DGKB: variants seen among roughly 807,000 people sequenced by gnomAD.
DGKB encodes the protein diacylglycerol kinase beta.
A neutral mutation model predicts 114.3 loss-of-function variants in DGKB; 67 were observed. The ratio of observed to expected loss-of-function variants is 0.59; its 90% CI spans 0.48 to 0.72. DGKB has a LOEUF of 0.72. Ranked by LOEUF, DGKB falls within the 30% of genes least tolerant of loss-of-function variation. The pLI, the probability that DGKB is intolerant of heterozygous loss-of-function variation, is 0.00. For synonymous variants in DGKB, 398 were observed against 323.1 expected, an observed-to-expected ratio of 1.23 and a Z score of -2.49; for missense variants, 907 against 975.2, an observed-to-expected ratio of 0.93 and a Z score of 0.93.
intron 21 of DGKB, among the ~76,000 whole-genome samples, chr7:14,443,396 C>A (rs1298634819): frequency 6.6e-6 from 1 of 152,034 alleles, no homozygotes; most frequent in Non-Finnish European, 1.5e-5. Flanking sequence ...ACCTTTTATT[C>A]TGGGCAAAAA....
intron 2 of DGKB, among the ~76,000 whole-genome samples, chr7:14,819,349 G>A (rs1304426779): frequency 6.6e-6 from 1 of 152,128 alleles, no homozygotes; most frequent in African/African-American, 2.4e-5. Context: ...CACTTTGGGA[G>A]GCAGAGGCGG....
chr7:14,337,441 G>C (rs1337581353), intron 23 of DGKB, among the ~76,000 whole-genome samples: 1 of 152,096 alleles, frequency 6.6e-6, no homozygotes, highest in East Asian at 1.9e-4. Context: ...TTGGCAGGTT[G>C]TGATAAGCAT....
chr7:14,215,630 T>C (rs1788825459), intron 23 of DGKB, among the ~76,000 whole-genome samples: 1 of 152,198 alleles, frequency 6.6e-6, no homozygotes, highest in African/African-American at 2.4e-5. Context: ...ACCTTCATTT[T>C]GCCGATGAGG....
chr7:14,652,470 C>A (rs6968119), intron 13 of DGKB, among the ~76,000 whole-genome samples: 23,444 of 151,752 alleles, frequency 0.15, 2,773 homozygotes, highest in East Asian at 0.49. Flanking sequence ...AAACTGGATC[C>A]CTTCCTTACA....
intron 23 of DGKB, among the ~76,000 whole-genome samples, chr7:14,275,370 C>A (rs962832060): frequency 3.9e-5 from 6 of 152,136 alleles, no homozygotes; most frequent in African/African-American, 1.2e-4. Context: ...TATGAGCATT[C>A]TTTTCACCAA....
intron 20 of DGKB, among the ~76,000 whole-genome samples, chr7:14,544,535 A>G (rs1046824396): frequency 6.6e-6 from 1 of 152,324 alleles, no homozygotes; most frequent in African/African-American, 2.4e-5. Flanking sequence ...TCATTTTTGT[A>G]TATAAAAATG....
intron 20 of DGKB, among the ~76,000 whole-genome samples, chr7:14,511,027 G>A (rs1415807411): frequency 6.6e-6 from 1 of 152,162 alleles, no homozygotes; most frequent in Non-Finnish European, 1.5e-5. Context: ...ATATTGCACA[G>A]TTAGAGTAGA....
At position 14,893,297 on chromosome 7, in the gene DGKB, A is replaced by G. The variant is rs565556390; in HGVS notation, c.-188+9295T>C. On this transcript the variant is annotated intron_variant, in intron 1 of 25. Coordinates refer to ENST00000402815, the MANE Select transcript of DGKB (RefSeq NM_001350709.2). ...TGAGTATGTTTTAGTTCTCATCTCAATTAACCTCTCAGCAACATCCAACAG... is the reference window on the plus strand; with the variant it reads ...TGAGTATGTTTTAGTTCTCATCTCAGTTAACCTCTCAGCAACATCCAACAG... Among the ~76,000 whole-genome samples the G allele has an allele frequency of 7.3e-5, 11 of 151,414 alleles. No homozygotes were observed. The East Asian group carries it at 1.2e-3, about 16-fold the overall frequency.
At chr7:14,653,883 C>T (rs1469093798) in intron 13 of DGKB, among the ~76,000 whole-genome samples, 1 of 151,818 alleles carries the variant, frequency 6.6e-6, no homozygotes, top group East Asian at 1.9e-4. Flanking sequence ...TTAGATATAC[C>T]CCTACACAAT....
intron 21 of DGKB, among the ~76,000 whole-genome samples, chr7:14,412,428 G>C (rs149999554): frequency 1.3e-3 from 202 of 152,298 alleles, no homozygotes; most frequent in African/African-American, 4.8e-3. Flanking sequence ...TCAAGACCCA[G>C]TTGAACTGAA....
chr7:14,175,777 T>C (rs1212297957), intron 25 of DGKB, among the ~76,000 whole-genome samples: 1 of 152,096 alleles, frequency 6.6e-6, no homozygotes, highest in African/African-American at 2.4e-5. Context: ...CCCCTAATTC[T>C]AGAAGCTTTG....
chr7:14,296,002 C>T (rs574006096), intron 23 of DGKB, among the ~76,000 whole-genome samples: 3 of 150,580 alleles, frequency 2.0e-5, no homozygotes, highest in African/African-American at 7.3e-5. Flanking sequence ...TGATGGTTTC[C>T]AGCTTCATTC....
chr7:14,971,627 A>G (rs1223548097), intron 1 of DGKB, among the ~76,000 whole-genome samples: 1 of 152,196 alleles, frequency 6.6e-6, no homozygotes, highest in Admixed American at 6.5e-5. Flanking sequence ...AAAAGAAATA[A>G]TAAGTACATT....
chr7:14,475,327 T>A (rs1006664075), intron 21 of DGKB, among the ~76,000 whole-genome samples: 1 of 152,162 alleles, frequency 6.6e-6, no homozygotes, highest in Admixed American at 6.5e-5. Context: ...ATTGTAAGTA[T>A]GAAATTGCTT....
At position 14,747,775 on chromosome 7, in the gene DGKB, G is replaced by GCGCGCGCGCACACACACA; in HGVS notation, c.168+6152_168+6153insTGTGTGTGTGCGCGCGCG. 2.5e-3 allele frequency among the ~76,000 whole-genome samples: 375 copies of GCGCGCGCGCACACACACA among 149,270 alleles called. 4 individuals are homozygous for GCGCGCGCGCACACACACA. Among genetic ancestry groups the GCGCGCGCGCACACACACA allele is most frequent in the African/African-American group, 8.4e-3 (334 of 39,690 alleles). On this transcript the variant is annotated intron_variant, in intron 4 of 25. Transcript: ENST00000402815. ...GCTGTGGGCTCAAACACATCCACGC[G>GCGCGCGCGCACACACACA]CACGCACACACACACACACACACAC...
intron 13 of DGKB, among the ~76,000 whole-genome samples, chr7:14,637,530 G>A (rs1260201929): frequency 6.6e-6 from 1 of 151,242 alleles, no homozygotes; most frequent in Non-Finnish European, 1.5e-5. Context: ...ATATATATAT[G>A]TGTGTATATA....
intron 1 of DGKB, among the ~76,000 whole-genome samples, chr7:14,915,170 C>A (rs1451886357): frequency 6.6e-6 from 1 of 151,968 alleles, no homozygotes; most frequent in Non-Finnish European, 1.5e-5. Context: ...AGTTTGAGAC[C>A]AGCCTGGGAA....
At chr7:14,790,395 T>G (rs1407337154) in intron 2 of DGKB, among the ~76,000 whole-genome samples, 1 of 152,192 alleles carries the variant, frequency 6.6e-6, no homozygotes, top group East Asian at 1.9e-4. Flanking sequence ...TTCTTTTATG[T>G]TACATTTTTT....
At chr7:14,713,437 T>A (rs1245203461) in intron 6 of DGKB, among the ~76,000 whole-genome samples, 1 of 151,410 alleles carries the variant, frequency 6.6e-6, no homozygotes, top group Non-Finnish European at 1.5e-5. Context: ...GTGAAAAAAA[T>A]CAGCTGCTTA....
Sources: allele counts gnomAD v4.1 joint callset (sites outside exome capture counted in the v4.1 genomes callset), GRCh38; gene constraint gnomAD v4.1.1; transcripts MANE v1.5; gene names NCBI Gene and HGNC (gene_info 2026-07-23, HGNC 2026-07-21).